The following DIAPH2 variants were observed in gnomAD, a reference collection of about 807,000 sequenced individuals.
The protein encoded by DIAPH2 is protein diaphanous homolog 2.
Under a neutral mutation model 92.7 loss-of-function variants are expected in DIAPH2, and 35 were observed. The observed-to-expected ratio is 0.38, with a 90% CI of 0.29 to 0.50. DIAPH2 has a LOEUF of 0.50. Among genes scored for constraint, DIAPH2 ranks in the 20% least tolerant of loss-of-function variants. The probability of loss-of-function intolerance (pLI) is 0.94; values close to 1 mark genes in which losing one functional copy is unlikely to be tolerated. For synonymous variants in DIAPH2, 301 were observed against 280.4 expected, an observed-to-expected ratio of 1.07 and a Z score of -0.73; for missense variants, 701 against 819.5, an observed-to-expected ratio of 0.86 and a Z score of 1.77.
intron 4 of DIAPH2, among the ~76,000 whole-genome samples, chrX:96,804,344 T>C (rs2064607408): frequency 8.9e-6 from 1 of 111,973 alleles, no homozygotes; most frequent in Non-Finnish European, 1.9e-5. Context: ...AATGTTGATA[T>C]TCATTTTCTC....
intron 26 of DIAPH2, among the ~76,000 whole-genome samples, chrX:97,548,891 T>C (rs2071199799): frequency 8.9e-6 from 1 of 112,203 alleles, no homozygotes; most frequent in South Asian, 3.7e-4. Flanking sequence ...GCAACTGATA[T>C]AAAGTGAATT....
chrX:97,077,059 G>A (rs1321705233), intron 19 of DIAPH2, among the ~76,000 whole-genome samples: 1 of 111,746 alleles, frequency 8.9e-6, no homozygotes, highest in South Asian at 3.8e-4. Flanking sequence ...GTAGTATAAT[G>A]TACATAATTG....
At chrX:96,717,828 A>G (rs1361988722) in intron 1 of DIAPH2, among the ~76,000 whole-genome samples, 3 of 74,991 alleles carry the variant, frequency 4.0e-5, no homozygotes, top group African/African-American at 1.6e-4. Flanking sequence ...ATATATATAT[A>G]TATATATATA....
chrX:96,963,120 G>T (rs1249292716), intron 16 of DIAPH2, among the ~76,000 whole-genome samples: 2 of 111,699 alleles, frequency 1.8e-5, no homozygotes, highest in Non-Finnish European at 3.8e-5. Context: ...TATACAACTG[G>T]CTTCTTTTTT....
chrX:97,003,318 A>G (rs2066157660), intron 17 of DIAPH2, among the ~76,000 whole-genome samples: 1 of 112,166 alleles, frequency 8.9e-6, no homozygotes, highest in African/African-American at 3.2e-5. Flanking sequence ...GCATATACCC[A>G]GCAGTGAGAT....
chrX:97,507,610 G>A (rs2070846451), intron 26 of DIAPH2, among the ~76,000 whole-genome samples: 1 of 111,679 alleles, frequency 9.0e-6, no homozygotes, highest in African/African-American at 3.3e-5. Flanking sequence ...TTTTGTATAC[G>A]TGACAGTTAA....
chrX:96,861,697 G>T (rs1330381699), intron 4 of DIAPH2, among the ~76,000 whole-genome samples: 1 of 111,812 alleles, frequency 8.9e-6, no homozygotes, highest in Non-Finnish European at 1.9e-5. Flanking sequence ...GGCTTTCAAG[G>T]TCTTCATGAC....
chrX:96,928,888 C>G (rs185609360), intron 9 of DIAPH2, among the ~76,000 whole-genome samples: 2 of 111,221 alleles, frequency 1.8e-5, no homozygotes, highest in East Asian at 5.6e-4. Flanking sequence ...TATATTGATA[C>G]ATTCATTAAT....
rs1170128011 is a variant in DIAPH2, at chrX:97,365,234, CATCCTCACTTT to C, written c.3009+16956_3009+16966del. On this transcript the variant is annotated intron_variant, in intron 24 of 26. Coordinates refer to ENST00000324765, the MANE Select transcript of DIAPH2 (RefSeq NM_006729.5). ...AGCAAAGAAAAAAAAATCTTACTTTCATCCTCACTTTAACGGCCCAAGTTTCAGTGTTTGTC... is the reference window on the plus strand; with the variant it reads ...AGCAAAGAAAAAAAAATCTTACTTTCAACGGCCCAAGTTTCAGTGTTTGTC... 2.9e-4 allele frequency among the ~76,000 whole-genome samples: 32 copies of C among 111,490 alleles called. No homozygotes were observed. In the Admixed American group the frequency reaches 3.0e-3, roughly 10 times the overall value.
intron 26 of DIAPH2, among the ~76,000 whole-genome samples, chrX:97,539,930 A>G (rs909060951): frequency 1.8e-5 from 2 of 111,850 alleles, no homozygotes; most frequent in Non-Finnish European, 3.8e-5. Context: ...CCATTAAGAC[A>G]TGAGTTGCAT....
chrX:97,433,843 A>G, intron 26 of DIAPH2, among the ~76,000 whole-genome samples: 1 of 112,286 alleles, frequency 8.9e-6, no homozygotes, highest in Admixed American at 9.4e-5. Flanking sequence ...ATAAGGCAGA[A>G]GATAATAAGT....
intron 4 of DIAPH2, among the ~76,000 whole-genome samples, chrX:96,808,863 C>T (rs914290951): frequency 5.4e-5 from 6 of 111,364 alleles, no homozygotes; most frequent in African/African-American, 2.0e-4. Context: ...TTTTAAATTA[C>T]GTGATGCCAG....
rs766059990 is a variant in DIAPH2, at chrX:96,735,760, C to A, written c.135C>A (p.Asn45Lys). Residue 45 changes from asparagine to lysine, a missense_variant and splice_region_variant, in exon 2 of 27, where the codon AAC becomes AAA. This residue lies in a region of DIAPH2 where 131 missense variants were observed against 145.6 expected (regional missense o/e 0.90). Transcript: ENST00000324765. Reference protein sequence around the residue: ...EEETKNKPKLNIQIKTLADDV... With the variant: ...EEETKNKPKLKIQIKTLADDV... ...TTGTTTCTTTTTGGTTTTAATAGAA[C>A]ATTCAAATAAAAACTTTGGCAGATG... is the stretch of plus-strand genomic sequence containing the variant. 1 of 1,088,122 alleles carries A rather than the reference C, an allele frequency of 9.2e-7. No homozygotes were observed. Among genetic ancestry groups the A allele is most frequent in the Non-Finnish European group, 1.2e-6 (1 of 805,328 alleles). 89.7% of individuals were successfully genotyped at this position (1,088,122 alleles called of 1,213,427 possible).
intron 23 of DIAPH2, among the ~76,000 whole-genome samples, chrX:97,277,965 C>A (rs992452103): frequency 8.9e-6 from 1 of 111,815 alleles, no homozygotes; most frequent in Middle Eastern, 4.2e-3. Flanking sequence ...CCTGCCTAAG[C>A]CTCCGGAGTA....
chrX:97,164,283 T>A (rs992182888), intron 22 of DIAPH2, among the ~76,000 whole-genome samples: 1 of 112,030 alleles, frequency 8.9e-6, no homozygotes, highest in Non-Finnish European at 1.9e-5. Flanking sequence ...ATCAGAGTCA[T>A]CTGGGCTGAA....
intron 17 of DIAPH2, among the ~76,000 whole-genome samples, chrX:96,976,044 C>T (rs762546517): frequency 1.1e-4 from 10 of 92,882 alleles, no homozygotes; most frequent in African/African-American, 3.3e-4. Context: ...TTCTTTTCCA[C>T]TCTGTAACCC....
chrX:96,815,275 C>T lies in DIAPH2; in HGVS notation c.447+57017C>T, dbSNP rs181949634. ...CTCTCCCCCTGCCAGGCTGCTGCCTCGCAGGTCGATCTGTGCTAGCAGTGA... is the reference window on the plus strand; with the variant it reads ...CTCTCCCCCTGCCAGGCTGCTGCCTTGCAGGTCGATCTGTGCTAGCAGTGA... On this transcript the variant is annotated intron_variant, in intron 4 of 26. Coordinates refer to ENST00000324765, the MANE Select transcript of DIAPH2 (RefSeq NM_006729.5). Among the ~76,000 whole-genome samples, 171 of 111,953 alleles carry T rather than the reference C, an allele frequency of 1.5e-3. 1 individual carries two copies. The highest frequency in any genetic ancestry group is 5.3e-3 in the African/African-American group (162 of 30,807).
chrX:96,820,178 G>A (rs893039192), intron 4 of DIAPH2, among the ~76,000 whole-genome samples: 2 of 112,319 alleles, frequency 1.8e-5, no homozygotes, highest in Non-Finnish European at 3.8e-5. Flanking sequence ...AATATAGTTT[G>A]TTGATCCTAG....
rs1247637343 is a variant in DIAPH2, at chrX:96,989,783, C to G, written c.2050+24576C>G. 3.6e-5 allele frequency among the ~76,000 whole-genome samples: 4 copies of G among 111,570 alleles called. No homozygotes were observed. The Admixed American group carries it at 3.8e-4, about 11-fold the overall frequency. On this transcript the variant is annotated intron_variant, in intron 17 of 26. Transcript: ENST00000324765. ...AGTATATAAGAAATTTAAAAACCAA[C>G]TCCTTCAGACCACTAGTTTCCCTTC...
Sources: allele counts gnomAD v4.1 joint callset (sites outside exome capture counted in the v4.1 genomes callset), GRCh38; gene constraint gnomAD v4.1.1; regional missense constraint gnomAD v4.1.1; transcripts MANE v1.5; gene names NCBI Gene and HGNC (gene_info 2026-07-23, HGNC 2026-07-21).